The following BOLL variants were observed in gnomAD, a reference collection of about 807,000 sequenced individuals.
BOLL encodes the protein protein boule-like.
A neutral mutation model predicts 44.4 loss-of-function variants in BOLL; 23 were observed. The observed-to-expected ratio is 0.52, with a 90% CI of 0.37 to 0.73. The LOEUF is 0.73. Ranked by LOEUF, BOLL falls within the 30% of genes least tolerant of loss-of-function variation. BOLL has a pLI of 0.00. For missense variants in BOLL, 287 were observed against 338.3 expected (o/e 0.85, Z 1.19); for synonymous variants, 97 against 110.8 (o/e 0.88, Z 0.78).
At chr2:197,754,519 C>G (rs935835058) in intron 9 of BOLL, among the ~76,000 whole-genome samples, 4 of 152,044 alleles carry the variant, frequency 2.6e-5, no homozygotes, top group African/African-American at 9.7e-5. Flanking sequence ...ACCATCCTGG[C>G]CAACACGGTG....
rs935675745 is a variant in BOLL, at chr2:197,728,422, T to C, written c.*133A>G. The C allele has an allele frequency of 5.9e-6, 8 of 1,362,036 alleles. No homozygotes were observed. Among genetic ancestry groups the C allele is most frequent in the Non-Finnish European group, 7.2e-6 (7 of 967,082 alleles). 84.4% of individuals were successfully genotyped at this position (1,362,036 alleles called of 1,614,324 possible). ...GACAGCTTATAGTGGAATAACTGAG[T>C]ATGGTGAGGTATTAACTAACACTAA... On this transcript the variant is annotated 3_prime_UTR_variant, in exon 11 of 11. Coordinates refer to ENST00000392296, the MANE Select transcript of BOLL (RefSeq NM_033030.6).
chr2:197,739,226 C>T (rs998901854), intron 10 of BOLL, among the ~76,000 whole-genome samples: 1 of 152,032 alleles, frequency 6.6e-6, no homozygotes, highest in Non-Finnish European at 1.5e-5. Context: ...CTATTTTTTT[C>T]CATCTCTAAC....
At chr2:197,784,764 G>T in intron 1 of BOLL, 1 of 987,598 alleles carries the variant, frequency 1.0e-6, no homozygotes, top group African/African-American at 1.7e-5. Flanking sequence ...GCAAGGCTCA[G>T]GTGGAGGCAA....
chr2:197,748,478 C>A (rs927068799), intron 9 of BOLL, among the ~76,000 whole-genome samples: 4 of 152,206 alleles, frequency 2.6e-5, no homozygotes, highest in Non-Finnish European at 5.9e-5. Context: ...AGCTAAGACC[C>A]ACTGGCTTGA....
At chr2:197,739,597 T>C (rs1446523293) in intron 10 of BOLL, among the ~76,000 whole-genome samples, 3 of 152,178 alleles carry the variant, frequency 2.0e-5, no homozygotes, top group Non-Finnish European at 2.9e-5. Context: ...AGTGCTGGGA[T>C]TGCAGGCATG....
At chr2:197,756,353 A>G in intron 9 of BOLL, 75 bp downstream of exon 9, 1 of 1,336,536 alleles carries the variant, frequency 7.5e-7, no homozygotes, top group Non-Finnish European at 9.8e-7. Flanking sequence ...TCGTGAACAA[A>G]TTTAAAAAAG....
intron 9 of BOLL, among the ~76,000 whole-genome samples, chr2:197,745,904 C>A (rs963099912): frequency 6.6e-6 from 1 of 152,116 alleles, no homozygotes; most frequent in Non-Finnish European, 1.5e-5. Flanking sequence ...CACAAAATAT[C>A]TCCACAGAGA....
At chr2:197,744,813 A>T (rs886608833) in intron 9 of BOLL, among the ~76,000 whole-genome samples, 3 of 152,222 alleles carry the variant, frequency 2.0e-5, no homozygotes, top group Non-Finnish European at 2.9e-5. Context: ...TATGAAAGCA[A>T]GACCATGAAG....
At chr2:197,730,283 A>C (rs1465353135) in intron 10 of BOLL, among the ~76,000 whole-genome samples, 1 of 130,696 alleles carries the variant, frequency 7.7e-6, no homozygotes, top group Non-Finnish European at 1.6e-5. Flanking sequence ...AAAAGAAATG[A>C]GCAAAGCCTC....
intron 6 of BOLL, among the ~76,000 whole-genome samples, chr2:197,771,493 T>C (rs1689257444): frequency 6.6e-6 from 1 of 151,676 alleles, no homozygotes; most frequent in South Asian, 2.1e-4. Flanking sequence ...ACTTAAAGTA[T>C]ATAAAAAAAA....
At chr2:197,767,557 C>T (rs1195642086) in intron 6 of BOLL, among the ~76,000 whole-genome samples, 1 of 151,892 alleles carries the variant, frequency 6.6e-6, no homozygotes, top group Non-Finnish European at 1.5e-5. Flanking sequence ...AAACTCTTAA[C>T]AAACATGGTA....
chr2:197,772,207 A>C (rs1689299208), intron 5 of BOLL, among the ~76,000 whole-genome samples: 1 of 152,080 alleles, frequency 6.6e-6, no homozygotes, highest in South Asian at 2.1e-4. Flanking sequence ...GATTAAAAGA[A>C]AAGAAAAACA....
At chr2:197,739,846 T>A (rs529299942) in intron 10 of BOLL, among the ~76,000 whole-genome samples, 46 of 152,352 alleles carry the variant, frequency 3.0e-4, no homozygotes, top group African/African-American at 9.9e-4. Context: ...TTATTCAATT[T>A]GTATAATTGT....
intron 6 of BOLL, among the ~76,000 whole-genome samples, chr2:197,766,809 C>T (rs987711000): frequency 1.3e-5 from 2 of 151,922 alleles, no homozygotes; most frequent in African/African-American, 4.8e-5. Flanking sequence ...GGTTTCATTT[C>T]CATAGTAATG....
chr2:197,742,956 G>C, intron 10 of BOLL, 105 bp downstream of exon 10: 1 of 703,642 alleles, frequency 1.4e-6, no homozygotes, highest in Non-Finnish European at 2.2e-6. Context: ...CTGATCACAA[G>C]TGTGATGTAA....
chr2:197,742,425 C>A (rs923049218), intron 10 of BOLL, among the ~76,000 whole-genome samples: 1 of 152,174 alleles, frequency 6.6e-6, no homozygotes, highest in Non-Finnish European at 1.5e-5. Flanking sequence ...AAATGTCCAA[C>A]AACGATAGAC....
chr2:197,759,719 C>T (rs908154012), intron 7 of BOLL, among the ~76,000 whole-genome samples: 1 of 152,166 alleles, frequency 6.6e-6, no homozygotes, highest in African/African-American at 2.4e-5. Flanking sequence ...TCTGGCTGAC[C>T]TGCCCAGGGT....
rs528961704 is a variant in BOLL at position 197,756,303 on chromosome 2, A to C, written c.729+125T>G. 2.0e-3 allele frequency: 1,931 copies of C among 952,290 alleles called. 8 individuals are homozygous for C. Among genetic ancestry groups the C allele is most frequent in the Non-Finnish European group, 2.3e-3 (1,593 of 694,140 alleles). 59.0% of individuals were successfully genotyped at this position (952,290 alleles called of 1,614,324 possible). On this transcript the variant is annotated intron_variant, in intron 9 of 10. Transcript: ENST00000392296. ...ATATAAGAAAGGGGAAGAGATTTGA[A>C]TAAATCAACAAAACAAAGATGAAGC... is the stretch of plus-strand genomic sequence containing the variant.
At chr2:197,781,966 A>T in intron 1 of BOLL, 101 bp from the exon 2 acceptor site, 1 of 1,033,106 alleles carries the variant, frequency 9.7e-7, no homozygotes, top group Non-Finnish European at 1.3e-6. Flanking sequence ...AGAGTCATTT[A>T]GGCAAAATAT....
Sources: allele counts gnomAD v4.1 joint callset (sites outside exome capture counted in the v4.1 genomes callset), GRCh38; gene constraint gnomAD v4.1.1; transcripts MANE v1.5; gene names NCBI Gene and HGNC (gene_info 2026-07-23, HGNC 2026-07-21).